Variants in CELF5 observed in about 807,000 individuals in gnomAD.
The protein encoded by CELF5 is CUG-BP and ETR-3 like factor 5.
Under a neutral mutation model 54.9 loss-of-function variants are expected in CELF5, and 6 were observed. That is an observed-to-expected ratio of 0.11 (90% confidence interval 0.06 to 0.22). CELF5 has a LOEUF of 0.22. Among genes scored for constraint, CELF5 ranks in the 10% least tolerant of loss-of-function variants. The pLI is 1.00. For synonymous variants in CELF5, 271 were observed against 290.9 expected, an observed-to-expected ratio of 0.93 and a Z score of 0.70; for missense variants, 401 against 678.6, an observed-to-expected ratio of 0.59 and a Z score of 4.54.
intron 2 of CELF5, among the ~76,000 whole-genome samples, chr19:3,272,826 G>A (rs2079988587): frequency 6.6e-6 from 1 of 152,142 alleles, no homozygotes; most frequent in Non-Finnish European, 1.5e-5. Flanking sequence ...CATCAGGTTG[G>A]GAGAAGGATT....
chr19:3,269,321 G>T (rs1369982308), intron 2 of CELF5, among the ~76,000 whole-genome samples: 1 of 152,076 alleles, frequency 6.6e-6, no homozygotes, highest in East Asian at 1.9e-4. Flanking sequence ...GATTACAGGC[G>T]TGCACTACCG....
At chr19:3,258,637 G>A (rs1380669177) in intron 2 of CELF5, among the ~76,000 whole-genome samples, 1 of 151,744 alleles carries the variant, frequency 6.6e-6, no homozygotes, top group African/African-American at 2.4e-5. Flanking sequence ...TTAGAGACAG[G>A]GTCTTGCTCT....
At chr19:3,252,526 C>A (rs2079665616) in intron 2 of CELF5, among the ~76,000 whole-genome samples, 1 of 152,146 alleles carries the variant, frequency 6.6e-6, no homozygotes, top group African/African-American at 2.4e-5. Context: ...GCTCACCCTT[C>A]CCTCCGGAAT....
chr19:3,290,566 T>C (rs1454604854), intron 11 of CELF5, among the ~76,000 whole-genome samples, 192 bp downstream of exon 11: 2 of 14,544 alleles, frequency 1.4e-4, no homozygotes, highest in African/African-American at 3.1e-4. Flanking sequence ...TGGGTTTCTT[T>C]TTTTTTTTTT....
intron 1 of CELF5, among the ~76,000 whole-genome samples, chr19:3,246,976 A>T (rs1250128018): frequency 6.6e-6 from 1 of 152,226 alleles, no homozygotes; most frequent in Admixed American, 6.5e-5. Flanking sequence ...AAAAACAGGA[A>T]GCACTCAATC....
chr19:3,265,698 T>G (rs2079872115), intron 2 of CELF5, among the ~76,000 whole-genome samples: 2 of 152,160 alleles, frequency 1.3e-5, no homozygotes, highest in Admixed American at 1.3e-4. Context: ...ATCCATCCCT[T>G]GTTTAGCATG....
intron 1 of CELF5, among the ~76,000 whole-genome samples, chr19:3,226,780 T>C (rs1916946206): frequency 6.6e-6 from 1 of 151,394 alleles, no homozygotes; most frequent in African/African-American, 2.4e-5. Context: ...TTTTTTTTTT[T>C]CCTTCTTATT....
At chr19:3,226,089 G>A (rs993191325) in intron 1 of CELF5, among the ~76,000 whole-genome samples, 1 of 151,566 alleles carries the variant, frequency 6.6e-6, no homozygotes, top group African/African-American at 2.4e-5. Flanking sequence ...GTTGGGGACT[G>A]GGGGTGCCAC....
chr19:3,246,466 A>T (rs1358736508), intron 1 of CELF5, among the ~76,000 whole-genome samples: 6 of 151,940 alleles, frequency 3.9e-5, no homozygotes, highest in Admixed American at 3.9e-4. Flanking sequence ...CACTTTGGGA[A>T]GCCAAGGCAG....
At chr19:3,258,733 T>C (rs913960153) in intron 2 of CELF5, among the ~76,000 whole-genome samples, 1 of 152,152 alleles carries the variant, frequency 6.6e-6, no homozygotes, top group Non-Finnish European at 1.5e-5. Flanking sequence ...TGCCTCAGCC[T>C]CCTGAGTAGC....
chr19:3,245,456 C>G (rs545195470), intron 1 of CELF5, among the ~76,000 whole-genome samples: 57 of 150,974 alleles, frequency 3.8e-4, no homozygotes, highest in African/African-American at 1.4e-3. Context: ...CCTTTCACTG[C>G]AGAGCTCCCA....
At chr19:3,267,837 C>G (rs2079904479) in intron 2 of CELF5, among the ~76,000 whole-genome samples, 1 of 152,090 alleles carries the variant, frequency 6.6e-6, no homozygotes, top group Non-Finnish European at 1.5e-5. Context: ...GGCAGGACCC[C>G]TACCTCCCCT....
chr19:3,284,181 G>T (rs929905254), intron 8 of CELF5, among the ~76,000 whole-genome samples: 10 of 149,854 alleles, frequency 6.7e-5, no homozygotes, highest in Non-Finnish European at 8.9e-5. Flanking sequence ...CTCTGTGCAC[G>T]TGTGTGTGTG....
chr19:3,287,798 C>T lies in CELF5; in HGVS notation c.1186+1773C>T, dbSNP rs75992393. The stretch of plus-strand genomic sequence containing the variant: ...AAATCAAAAATCTTTATCAGTGACA[C>T]GTTAAGAGAAAAGAAAGATGGGAAC... On this transcript the variant is annotated intron_variant, in intron 10 of 12. Coordinates refer to ENST00000292672, the MANE Select transcript of CELF5 (RefSeq NM_021938.4). Among the ~76,000 whole-genome samples, 392 of 152,062 alleles carry T rather than the reference C, an allele frequency of 2.6e-3. 2 individuals are homozygous for T. The highest frequency in any genetic ancestry group is 9.0e-3 in the African/African-American group (372 of 41,474).
intron 1 of CELF5, among the ~76,000 whole-genome samples, chr19:3,232,190 C>G (rs1917300975): frequency 6.6e-6 from 1 of 152,082 alleles, no homozygotes; most frequent in Admixed American, 6.6e-5. Context: ...TTTTCTGAAC[C>G]TTAGCTACTT....
chr19:3,278,678 T>TG lies in CELF5; in HGVS notation c.603+568_603+569insG, dbSNP rs2080097459. Among the ~76,000 whole-genome samples, 1 of 118,916 alleles carries TG rather than the reference T, an allele frequency of 8.4e-6. No individual in the cohort carries two copies. Among genetic ancestry groups the TG allele is most frequent in the Non-Finnish European group, 2.0e-5 (1 of 50,232 alleles). 78.0% of individuals were successfully genotyped at this position (118,916 alleles called of 152,430 possible). ...ATCTGCAGGTGCATTTGTGGGCAGGTTTGTGTGTGTGTGTGTGTGTGTTTG... is the reference window on the plus strand; with the variant it reads ...ATCTGCAGGTGCATTTGTGGGCAGGTGTTGTGTGTGTGTGTGTGTGTGTTTG... On this transcript the variant is annotated intron_variant, in intron 5 of 12. Transcript: ENST00000292672. This position sits in a 1 kb window ranked among gnomAD's most constrained non-coding sequence, Gnocchi z 4.5.
At chr19:3,249,902 G>T (rs139650075) in intron 1 of CELF5, among the ~76,000 whole-genome samples, 7 of 150,998 alleles carry the variant, frequency 4.6e-5, no homozygotes, top group African/African-American at 1.5e-4. Context: ...CATCCTCCCC[G>T]CTGGGCAGCC....
chr19:3,277,514 T>C (rs2080075932), intron 4 of CELF5, among the ~76,000 whole-genome samples: 1 of 151,140 alleles, frequency 6.6e-6, no homozygotes. Flanking sequence ...TCCTACCAAA[T>C]TCACCCTTTA....
chr19:3,296,192 G>A (rs2080441005), intron 12 of CELF5: 1 of 151,448 alleles, frequency 6.6e-6, no homozygotes, highest in South Asian at 2.1e-4. Flanking sequence ...GTCTTTGTGA[G>A]GGTGCCTCTG....
Sources: allele counts gnomAD v4.1 joint callset (sites outside exome capture counted in the v4.1 genomes callset), GRCh38; gene constraint gnomAD v4.1.1; non-coding constraint Gnocchi (gnomAD v3.1); transcripts MANE v1.5; gene names NCBI Gene and HGNC (gene_info 2026-07-23, HGNC 2026-07-21).